PDIA6: variants seen among roughly 807,000 people sequenced by gnomAD.
PDIA6 encodes the protein protein disulfide isomerase family A member 6.
A neutral mutation model predicts 58.4 loss-of-function variants in PDIA6; 29 were observed. The observed-to-expected ratio is 0.50, with a 90% CI of 0.37 to 0.68. The LOEUF (loss-of-function observed/expected upper bound fraction) is 0.68. Ranked by LOEUF, PDIA6 falls within the 30% of genes least tolerant of loss-of-function variation. The pLI, the probability that PDIA6 is intolerant of heterozygous loss-of-function variation, is 0.00. For missense variants in PDIA6, 480 were observed against 551.0 expected (o/e 0.87, Z 1.29); for synonymous variants, 192 against 202.6 (o/e 0.95, Z 0.44).
chr2:10,829,219 CT>C (rs1311973742), intron 1 of PDIA6, among the ~76,000 whole-genome samples: 1 of 152,200 alleles, frequency 6.6e-6, no homozygotes, highest in Non-Finnish European at 1.5e-5. Context: ...GTTTGTTCCC[CT>C]GATGTCCTCT....
At chr2:10,806,622 T>TAAAGAAGAAAGAAAGAAAGAAAG (rs1207473085) in intron 1 of PDIA6, among the ~76,000 whole-genome samples, 2 of 48,692 alleles carry the variant, frequency 4.1e-5, no homozygotes, top group African/African-American at 8.6e-5. Flanking sequence ...TCCTAAAAAA[T>TAAAGAAGAAAGAAAGAAAGAAAG]AAAGACAGAA....
intron 1 of PDIA6, among the ~76,000 whole-genome samples, chr2:10,824,946 G>C (rs1318441589): frequency 6.6e-6 from 1 of 152,240 alleles, no homozygotes; most frequent in Non-Finnish European, 1.5e-5. Context: ...TGCCAAAGGA[G>C]ATTAACATTT....
At chr2:10,790,886 G>A in intron 6 of PDIA6, 53 bp from the exon 7 acceptor site, 1 of 1,347,144 alleles carries the variant, frequency 7.4e-7, no homozygotes, top group Non-Finnish European at 1.1e-6. Flanking sequence ...GTCTCTCTCT[G>A]TTGCCCAGGC....
intron 2 of PDIA6, among the ~76,000 whole-genome samples, chr2:10,799,334 G>A (rs760888758): frequency 2.2e-4 from 34 of 152,162 alleles, no homozygotes; most frequent in Non-Finnish European, 3.8e-4. Context: ...CAAATGCTAG[G>A]TGCCAGCACC....
intron 6 of PDIA6, among the ~76,000 whole-genome samples, chr2:10,791,357 G>T (rs915094732): frequency 2.0e-5 from 3 of 152,094 alleles, no homozygotes; most frequent in African/African-American, 7.2e-5. Context: ...TGTTGCCCAG[G>T]CTGGTCTCAA....
intron 6 of PDIA6, among the ~76,000 whole-genome samples, chr2:10,791,417 A>C (rs1312937683): frequency 5.3e-5 from 8 of 152,214 alleles, no homozygotes; most frequent in Admixed American, 5.2e-4. Context: ...AAGAGCTAGG[A>C]TTACAGGTGT....
upstream of PDIA6, among the ~76,000 whole-genome samples, chr2:10,815,266 A>G (rs1667157326): frequency 6.6e-6 from 1 of 152,208 alleles, no homozygotes; most frequent in Non-Finnish European, 1.5e-5. Context: ...CCAAATGCAC[A>G]TTAACAACCT....
rs749186475 is a variant in PDIA6, at chr2:10,802,510, G to T, written c.150C>A (p.Phe50Leu). 1.4e-6 allele frequency: 2 copies of T among 1,400,814 alleles called. No individual in the cohort carries two copies. Among genetic ancestry groups the T allele is most frequent in the Non-Finnish European group, 1.9e-6 (2 of 1,070,126 alleles). 86.8% of individuals were successfully genotyped at this position (1,400,814 alleles called of 1,614,324 possible). ...TTTATAATACTTACCATGGAGCATAGAATTCTACAAGCCACAAACTATCAC... is the reference window on the plus strand; with the variant it reads ...TTTATAATACTTACCATGGAGCATATAATTCTACAAGCCACAAACTATCAC... ...IQSDSLWLVE[F>L]YAPWCGHCQR... The change falls in exon 2 of 13, where the codon TTC becomes TTA. Residue 50 changes from phenylalanine to leucine, a missense_variant. Transcript: ENST00000272227.
At position 10,812,687 on chromosome 2, in the gene PDIA6, G is replaced by A. The variant is rs747690147; in HGVS notation, c.10C>T (p.Leu4=). ...GCTGGCCCGCACCTACCGAGCACCA[G>A]GAGAGCCATGCCGAGCGCCGGGCTA... MAL[L]VLGLVSCTFF... The change falls in exon 1 of 13, where the codon CTG becomes TTG. Residue 4 remains leucine (L), a synonymous_variant. Transcript: ENST00000272227. The A allele has an allele frequency of 2.6e-6, 4 of 1,534,142 alleles. No individual in the cohort carries two copies. The highest frequency in any genetic ancestry group is 2.9e-5 in the African/African-American group (2 of 69,828).
intron 2 of PDIA6, among the ~76,000 whole-genome samples, chr2:10,818,532 TTA>T (rs1491312938): frequency 0.057 from 6,698 of 118,424 alleles, 490 homozygotes; most frequent in African/African-American, 0.17. Context: ...ATTTATTTAT[TTA>T]TTTTGAGATG....
At chr2:10,812,561 C>T in intron 1 of PDIA6, 117 bp downstream of exon 1, 1 of 1,069,130 alleles carries the variant, frequency 9.4e-7, no homozygotes, top group Non-Finnish European at 1.2e-6. Context: ...CGCCTCCCGC[C>T]CGCCAGGCCC....
At position 10,812,737 on chromosome 2, in the gene PDIA6, G is replaced by A. The variant is rs752418287; in HGVS notation, c.-41C>T. ...ACGTGCAGTCCCCACCGCCGCCGCC[G>A]CTTCAGCCCTGCAGCGTGCCGCACG... On this transcript the variant is annotated 5_prime_UTR_variant, in exon 1 of 13. Coordinates refer to ENST00000272227, the MANE Select transcript of PDIA6 (RefSeq NM_005742.4). The A allele has an allele frequency of 4.7e-6, 7 of 1,481,578 alleles. No individual in the cohort carries two copies. The East Asian group carries it at 1.2e-4, about 25-fold the overall frequency. The allele number at this position is 1,481,578 out of a possible 1,614,324, so 91.8% of individuals were successfully genotyped here.
chr2:10,804,223 T>C (rs1734366), intron 1 of PDIA6, among the ~76,000 whole-genome samples: 1 of 151,188 alleles, frequency 6.6e-6, no homozygotes. Context: ...TCCTAGTTTT[T>C]GACAAAAAAG....
chr2:10,824,423 G>A (rs1667493429), intron 1 of PDIA6, among the ~76,000 whole-genome samples: 1 of 152,260 alleles, frequency 6.6e-6, no homozygotes, highest in Non-Finnish European at 1.5e-5. Context: ...CCAGCTGGCA[G>A]AACTCTATCC....
intron 1 of PDIA6, among the ~76,000 whole-genome samples, chr2:10,830,095 C>G (rs1667668714): frequency 6.6e-6 from 1 of 152,186 alleles, no homozygotes; most frequent in African/African-American, 2.4e-5. Context: ...CTTCCTCACC[C>G]CAGGCCCTGG....
intron 1 of PDIA6, among the ~76,000 whole-genome samples, chr2:10,831,386 C>T (rs1398976617): frequency 1.3e-5 from 2 of 152,326 alleles, no homozygotes; most frequent in South Asian, 2.1e-4. Context: ...TAAGAATCAG[C>T]GGCACTGGTC....
intron 7 of PDIA6, 48 bp downstream of exon 7, chr2:10,790,671 G>A (rs369547036): frequency 7.3e-6 from 10 of 1,365,448 alleles, no homozygotes; most frequent in African/African-American, 5.7e-5. Flanking sequence ...AAGAAGTAAC[G>A]AAACACCATG....
At chr2:10,794,315 G>A (rs769225249) in intron 4 of PDIA6, among the ~76,000 whole-genome samples, 1 of 151,760 alleles carries the variant, frequency 6.6e-6, no homozygotes, top group Non-Finnish European at 1.5e-5. Flanking sequence ...GCGTGGTGGT[G>A]GACATCTATA....
rs904897268 is a variant in PDIA6 at position 10,803,248 on chromosome 2, C to T, written c.20-608G>A. ...TCTTGGCTCACCACAACCTCCGCCT[C>T]CCAGGTTCAAGCAATTCTCCTGCTT... On this transcript the variant is annotated intron_variant, in intron 1 of 12. Coordinates refer to ENST00000272227, the MANE Select transcript of PDIA6 (RefSeq NM_005742.4). Among the ~76,000 whole-genome samples the T allele has an allele frequency of 2.6e-5, 4 of 152,332 alleles. No individual in the cohort carries two copies. In the South Asian group the frequency reaches 6.2e-4, roughly 24 times the overall value.
Sources: gnomAD v4.1 joint callset for allele counts (sites outside exome capture counted in the v4.1 genomes callset) on GRCh38, gnomAD v4.1.1 for gene constraint, MANE v1.5 for transcripts, NCBI Gene and HGNC (gene_info 2026-07-23, HGNC 2026-07-21) for gene names.